The following CFAP221 variants were observed in gnomAD, a reference collection of about 807,000 sequenced individuals.
The protein encoded by CFAP221 is cilia- and flagella-associated protein 221.
CFAP221 carries 97 observed loss-of-function variants against 113.1 expected under a neutral mutation model. That is an observed-to-expected ratio of 0.86 (90% confidence interval 0.73 to 1.02). The LOEUF (loss-of-function observed/expected upper bound fraction) is 1.02. Among genes scored for constraint, CFAP221 ranks in the 50% least tolerant of loss-of-function variants. The probability of loss-of-function intolerance (pLI) is 0.00; values close to 1 mark genes in which losing one functional copy is unlikely to be tolerated. For missense variants in CFAP221, 1,025 were observed against 1,013.4 expected, an observed-to-expected ratio of 1.01 and a Z score of -0.16; for synonymous variants, 331 against 354.4, an observed-to-expected ratio of 0.93 and a Z score of 0.74.
intron 6 of CFAP221, among the ~76,000 whole-genome samples, chr2:119,570,411 T>C (rs534782449): frequency 6.6e-6 from 1 of 152,330 alleles, no homozygotes; most frequent in South Asian, 2.1e-4. Context: ...TGATAAAATT[T>C]GCTAATTTAA....
chr2:119,596,369 G>A (rs750289031), intron 7 of CFAP221, among the ~76,000 whole-genome samples: 2 of 152,192 alleles, frequency 1.3e-5, no homozygotes, highest in African/African-American at 4.8e-5. Flanking sequence ...CATGGGTGCT[G>A]TCTCCGCGAT....
chr2:119,560,169 T>A, intron 5 of CFAP221, 143 bp downstream of exon 5: 2 of 677,590 alleles, frequency 3.0e-6, no homozygotes, highest in Non-Finnish European at 4.9e-6. Flanking sequence ...AGGTCACCAG[T>A]GTGACTGGCG....
chr2:119,655,993 C>T (rs1688410153), intron 23 of CFAP221: 1 of 222,194 alleles, frequency 4.5e-6, no homozygotes, highest in Non-Finnish European at 9.1e-6. Flanking sequence ...GAAAAACCAG[C>T]CAGCATTGAC....
In CFAP221 at chr2:119,647,035, T is replaced by G; in HGVS notation, c.2303T>G (p.Leu768Arg). 1 of 1,593,150 alleles carries G rather than the reference T, an allele frequency of 6.3e-7. No homozygotes were observed. The highest frequency in any genetic ancestry group is 8.5e-7 in the Non-Finnish European group (1 of 1,174,152). The change falls in exon 22 of 24, where the codon CTA becomes CGA. Residue 768 changes from leucine to arginine, a missense_variant. Transcript: ENST00000413369. Reference sequence around the variant, plus strand: ...GATGCCTTACCAGAAGAGGACAGACTAGAAACAGTAGAACGGTATTTTTTT... The same window carrying G: ...GATGCCTTACCAGAAGAGGACAGACGAGAAACAGTAGAACGGTATTTTTTT... Reference protein sequence around the residue: ...ILDALPEEDRLETVERELCEQ... With the variant: ...ILDALPEEDRRETVERELCEQ...
Position 119,611,742 on chromosome 2 carries a change from G to A in CFAP221, c.1311G>A (p.Glu437=), listed in dbSNP as rs201425804. 6.0e-5 allele frequency: 96 copies of A among 1,608,238 alleles called. No homozygotes were observed. In the Middle Eastern group the frequency reaches 1.5e-3, roughly 25 times the overall value. The change falls in exon 13 of 24, where the codon GAG becomes GAA. Residue 437 remains glutamate, a splice_region_variant and synonymous_variant. Coordinates refer to ENST00000413369, the MANE Select transcript of CFAP221 (RefSeq NM_001271049.2). ...AACGGGTTGTTCGCAATCAAGAAGA[G>A]GTGGGTAACTTTCCTTTATTTAGAA... is the stretch of plus-strand genomic sequence containing the variant. ...SHKRVVRNQE[E]KIKEFHPTFD...
intron 6 of CFAP221, 139 bp downstream of exon 6, chr2:119,562,253 C>CAAA (rs10628972): frequency 0.034 from 9,311 of 271,554 alleles, 174 homozygotes; most frequent in East Asian, 0.059. Flanking sequence ...TTGTAAAAGG[C>CAAA]AAAAAAAAAA....
At chr2:119,564,533 G>A (rs1003134583) in intron 6 of CFAP221, among the ~76,000 whole-genome samples, 2 of 152,072 alleles carry the variant, frequency 1.3e-5, no homozygotes. Context: ...CATTCCCTGG[G>A]TTTACTTTAG....
chr2:119,605,090 T>A, intron 10 of CFAP221, 91 bp from the exon 11 acceptor site: 1 of 1,455,564 alleles, frequency 6.9e-7, no homozygotes, highest in Non-Finnish European at 9.6e-7. Context: ...GTTAGATTGC[T>A]GTTATGCCTC....
chr2:119,620,257 C>G (rs943236152), intron 14 of CFAP221, among the ~76,000 whole-genome samples: 5 of 152,268 alleles, frequency 3.3e-5, no homozygotes, highest in Middle Eastern at 6.8e-3. Flanking sequence ...AAAGATACTC[C>G]TCGAGAAGAG....
At chr2:119,595,933 C>T (rs1349329072) in intron 7 of CFAP221, among the ~76,000 whole-genome samples, 2 of 151,760 alleles carry the variant, frequency 1.3e-5, no homozygotes, top group Non-Finnish European at 2.9e-5. Context: ...GGAACAGGCT[C>T]GGCAATGGTC....
chr2:119,604,927 G>A lies in CFAP221; in HGVS notation c.964G>A (p.Ala322Thr). 6.2e-7 allele frequency: 1 copy of A among 1,614,088 alleles called. No individual in the cohort carries two copies. Among genetic ancestry groups the A allele is most frequent in the Non-Finnish European group, 8.5e-7 (1 of 1,180,016 alleles). The change falls in exon 10 of 24, where the codon GCT becomes ACT. Residue 322 changes from alanine (A) to threonine (T), a missense_variant. Physicochemically the swap from Ala to Thr is moderately conservative, Grantham distance 58 (BLOSUM62 0). Coordinates refer to ENST00000413369, the MANE Select transcript of CFAP221 (RefSeq NM_001271049.2). Reference sequence around the variant, plus strand: ...TCCAGTAGATTTATCGAATCCATTTGCTGTGGCAACTGTTTTAAACCAAGA... The same window carrying A: ...TCCAGTAGATTTATCGAATCCATTTACTGTGGCAACTGTTTTAAACCAAGA... ...RFPVDLSNPF[A>T]VATVLNQEPG... is the part of the protein sequence containing the mutation.
At chr2:119,613,457 C>T (rs1685315716) in intron 13 of CFAP221, among the ~76,000 whole-genome samples, 1 of 152,240 alleles carries the variant, frequency 6.6e-6, no homozygotes. Context: ...TTCCATACAT[C>T]CTCTGAAATC....
At position 119,546,145 on chromosome 2, in the gene CFAP221, A is replaced by C. The variant is rs768286406; in HGVS notation, c.14A>C (p.Lys5Thr). Residue 5 changes from lysine (K) to threonine (T), a missense_variant, in exon 2 of 24, where the codon AAA (lysine) becomes ACA (threonine). Coordinates refer to ENST00000413369, the MANE Select transcript of CFAP221 (RefSeq NM_001271049.2). The part of the protein sequence containing the change: MAVV[K>T]TPSRGLKNAK... ...TTTCATGATAAAATGGCAGTGGTGAAAACCCCCAGCAGAGGACTAAAGAAT... is the reference window on the plus strand; with the variant it reads ...TTTCATGATAAAATGGCAGTGGTGACAACCCCCAGCAGAGGACTAAAGAAT... 1.1e-4 allele frequency: 172 copies of C among 1,528,656 alleles called. No individual in the cohort carries two copies. In the South Asian group the frequency reaches 1.8e-3, roughly 16 times the overall value. The allele number at this position is 1,528,656 out of a possible 1,614,324, so 94.7% of individuals were successfully genotyped here. A position where few individuals can be genotyped will look rare whatever the true frequency, so the allele number is the denominator to read the frequency against.
At chr2:119,562,135 C>A in intron 6 of CFAP221, 21 bp downstream of exon 6, 1 of 1,454,538 alleles carries the variant, frequency 6.9e-7, no homozygotes, top group Non-Finnish European at 9.3e-7. Flanking sequence ...AAAATGTCAA[C>A]AAAATGTATA....
At position 119,656,551 on chromosome 2, in the gene CFAP221, C is replaced by T; in HGVS notation, c.*81C>T. The T allele has an allele frequency of 1.1e-6, 1 of 871,670 alleles. No individual in the cohort carries two copies. The highest frequency in any genetic ancestry group is 1.7e-5 in the African/African-American group (1 of 59,548). 54.0% of individuals were successfully genotyped at this position (871,670 alleles called of 1,614,324 possible). ...TTGCGTCCATTTACATGCCAGCCAT[C>T]TCTGCAATTAAAGTTTCTGGATAAA... On this transcript the variant is annotated 3_prime_UTR_variant, in exon 24 of 24. Transcript: ENST00000413369.
At chr2:119,555,135 T>C (rs1680696166) in intron 3 of CFAP221, among the ~76,000 whole-genome samples, 1 of 152,194 alleles carries the variant, frequency 6.6e-6, no homozygotes, top group African/African-American at 2.4e-5. Context: ...GTTAAACTTA[T>C]GACTATTTTA....
chr2:119,545,311 A>C (rs1299237890), intron 1 of CFAP221: 1 of 152,268 alleles, frequency 6.6e-6, no homozygotes, highest in African/African-American at 2.4e-5. Flanking sequence ...AGGGAATGTG[A>C]GATTTGTAAA....
intron 5 of CFAP221, among the ~76,000 whole-genome samples, chr2:119,560,866 T>G (rs926126580): frequency 6.6e-6 from 1 of 152,078 alleles, no homozygotes; most frequent in Non-Finnish European, 1.5e-5. Context: ...CTTCGTCATA[T>G]TAGAGATGCA....
intron 12 of CFAP221, among the ~76,000 whole-genome samples, chr2:119,611,099 G>T (rs1306344491): frequency 6.6e-6 from 1 of 152,122 alleles, no homozygotes; most frequent in Non-Finnish European, 1.5e-5. Context: ...CCACCCAGGA[G>T]AAGGAAGGAA....
Sources: gnomAD v4.1 joint callset for allele counts (sites outside exome capture counted in the v4.1 genomes callset) on GRCh38, gnomAD v4.1.1 for gene constraint, MANE v1.5 for transcripts, NCBI Gene and HGNC (gene_info 2026-07-23, HGNC 2026-07-21) for gene names.